DNM1: variants seen among roughly 807,000 people sequenced by gnomAD.
DNM1 encodes the protein dynamin-1.
In DNM1, 29 loss-of-function variants were observed where a neutral mutation model predicts 104.6. That is an observed-to-expected ratio of 0.28 (90% confidence interval 0.21 to 0.38). DNM1 has a LOEUF of 0.38. Ranked by LOEUF, DNM1 falls within the 10% of genes least tolerant of loss-of-function variation. DNM1 has a pLI of 1.00. For synonymous variants in DNM1, 445 were observed against 475.8 expected (o/e 0.94, Z 0.84); for missense variants, 640 against 1,189.4 (o/e 0.54, Z 6.79).
At chr9:128,241,941 A>G (rs988252572) in intron 14 of DNM1, among the ~76,000 whole-genome samples, 5 of 152,172 alleles carry the variant, frequency 3.3e-5, no homozygotes, top group South Asian at 2.1e-4. Context: ...CTCTGCTTGC[A>G]TACTTTTAGT....
At chr9:128,249,745 G>T (rs1212879588) in intron 19 of DNM1, among the ~76,000 whole-genome samples, 1 of 151,732 alleles carries the variant, frequency 6.6e-6, no homozygotes, top group East Asian at 1.9e-4. Flanking sequence ...AGATAACTTT[G>T]AGCCCAGGAG....
At position 128,250,921 on chromosome 9, in the gene DNM1, G is replaced by C; in HGVS notation, c.2515G>C (p.Ala839Pro). ...PPQVPSRPNR[A>P]PPGVPSRSGQ... Reference sequence around the variant, plus strand: ...TCAGGTGCCCTCGCGCCCCAACCGCGCCCCGCCCGGGGTCCCCAGGTGAGT... The same window carrying C: ...TCAGGTGCCCTCGCGCCCCAACCGCCCCCCGCCCGGGGTCCCCAGGTGAGT... Residue 839 changes from alanine (A) to proline (P), a missense_variant, in exon 21 of 22, where the codon GCC becomes CCC. By Grantham distance (27) the Ala-to-Pro change is conservative. This residue lies in a region of DNM1 where 129 missense variants were observed against 224.6 expected (regional missense o/e 0.57). Coordinates refer to ENST00000372923, the MANE Select transcript of DNM1 (RefSeq NM_004408.4). 7.3e-7 allele frequency: 1 copy of C among 1,368,322 alleles called. No homozygotes were observed. Among genetic ancestry groups the C allele is most frequent in the South Asian group, 1.7e-5 (1 of 58,052 alleles). 84.8% of individuals were successfully genotyped at this position (1,368,322 alleles called of 1,614,324 possible). A position where few individuals can be genotyped will look rare whatever the true frequency, so the allele number is the denominator to read the frequency against.
intron 1 of DNM1, among the ~76,000 whole-genome samples, chr9:128,211,336 C>A (rs188881144): frequency 6.6e-6 from 1 of 152,224 alleles, no homozygotes; most frequent in African/African-American, 2.4e-5. Context: ...GGCTGATTAC[C>A]CAGTCCTGCT....
At chr9:128,230,986 A>G (rs1445994268) in intron 10 of DNM1, among the ~76,000 whole-genome samples, 2 of 151,602 alleles carry the variant, frequency 1.3e-5, no homozygotes, top group African/African-American at 4.9e-5. Flanking sequence ...TATTTTTGGT[A>G]GAGATGGGAT....
chr9:128,238,981 ATCCTCTCCTC>A (rs560358434), intron 11 of DNM1, among the ~76,000 whole-genome samples: 9 of 147,182 alleles, frequency 6.1e-5, no homozygotes, highest in South Asian at 4.3e-4. Flanking sequence ...TCTTTCTTTC[ATCCTCTCCTC>A]TCCTCTCCTC....
chr9:128,242,536 G>A (rs1412987108), intron 15 of DNM1, among the ~76,000 whole-genome samples, 191 bp downstream of exon 15: 1 of 152,140 alleles, frequency 6.6e-6, no homozygotes, highest in East Asian at 1.9e-4. Context: ...GAGGCAGGTG[G>A]ATCACCTGCG....
At position 128,244,433 on chromosome 9, in the gene DNM1, C is replaced by G. The variant is rs536025418; in HGVS notation, c.1672-1961C>G. Among the ~76,000 whole-genome samples, 6 of 152,064 alleles carry G rather than the reference C, an allele frequency of 3.9e-5. No homozygotes were observed. In the East Asian group the frequency reaches 1.2e-3, roughly 29 times the overall value. ...TGGTCCAGGCTGGTGGGAGAGTGGT[C>G]TGTACTTCTCTACTCAACCACCAGC... On this transcript the variant is annotated intron_variant, in intron 15 of 21. Transcript: ENST00000372923.
intron 11 of DNM1, chr9:128,235,077 G>C (rs570658741): frequency 1.1e-4 from 17 of 152,254 alleles, no homozygotes; most frequent in African/African-American, 3.4e-4. Context: ...ACAGGTGTGA[G>C]CCACCGTGCC....
At position 128,248,648 on chromosome 9, in the gene DNM1, G is replaced by C. The variant is rs758081056; in HGVS notation, c.1971G>C (p.Arg657=). ...FMHSMDPQLE[R]QVETIRNLVD... is the part of the protein sequence containing the mutation. ...ATTCCATGGACCCACAGCTGGAACG[G>C]CAAGTGGAGACCATCCGGAATCTTG... is the stretch of plus-strand genomic sequence containing the variant. Residue 657 remains arginine, a synonymous_variant, in exon 19 of 22, where the codon CGG becomes CGC. Coordinates refer to ENST00000372923, the MANE Select transcript of DNM1 (RefSeq NM_004408.4). The surrounding 1 kb of genome is among the most constrained non-coding windows in gnomAD (Gnocchi z 5.6). The C allele has an allele frequency of 6.2e-7, 1 of 1,614,080 alleles. No homozygotes were observed. The highest frequency in any genetic ancestry group is 8.5e-7 in the Non-Finnish European group (1 of 1,179,944).
Position 128,218,293 on chromosome 9 carries a change from A to G in DNM1, c.224A>G (p.Asn75Ser), listed in dbSNP as rs551214260. The G allele has an allele frequency of 1.8e-5, 29 of 1,614,112 alleles. No individual in the cohort carries two copies. Among genetic ancestry groups the G allele is most frequent in the East Asian group, 1.8e-4 (8 of 44,854 alleles). ...CGTCCCCTGGTCTTGCAGCTGGTCA[A>G]TGCAACCACAGGTACGTGCCCTCCT... The part of the protein sequence containing the change: ...TRRPLVLQLV[N>S]ATTEYAEFLH... The change falls in exon 2 of 22, where the codon AAT becomes AGT. Residue 75 changes from asparagine to serine, a missense_variant. This residue lies in a region of DNM1 where 172 missense variants were observed against 335.3 expected (regional missense o/e 0.51). Coordinates refer to ENST00000372923, the MANE Select transcript of DNM1 (RefSeq NM_004408.4). This position sits in a 1 kb window ranked among gnomAD's most constrained non-coding sequence, Gnocchi z 4.8.
Position 128,222,864 on chromosome 9 carries a change from C to T in DNM1, c.1196+4C>T, listed in dbSNP as rs1445161696. ...TCAAGAATATCCATGGCATTAGGCA[C>T]GTATTGGGGCCTGGGAGGGTGGCTG... On this transcript the variant is annotated splice_donor_region_variant and intron_variant, in intron 9 of 21. Coordinates refer to ENST00000372923, the MANE Select transcript of DNM1 (RefSeq NM_004408.4). The surrounding 1 kb of genome is among the most constrained non-coding windows in gnomAD (Gnocchi z 7.8). 22 of 1,613,786 alleles carry T rather than the reference C, an allele frequency of 1.4e-5. No individual in the cohort carries two copies. Among genetic ancestry groups the T allele is most frequent in the South Asian group, 5.5e-5 (5 of 91,086 alleles).
At chr9:128,230,285 G>T (rs1371753961) in intron 10 of DNM1, among the ~76,000 whole-genome samples, 2 of 148,586 alleles carry the variant, frequency 1.3e-5, no homozygotes, top group African/African-American at 5.0e-5. Context: ...ACAGCATATT[G>T]TTGGGAAAAA....
intron 1 of DNM1, among the ~76,000 whole-genome samples, chr9:128,206,557 G>A (rs569502652): frequency 1.3e-5 from 2 of 152,240 alleles, no homozygotes; most frequent in South Asian, 2.1e-4. Flanking sequence ...CTCTCCCCAG[G>A]GAGGTCAGAG....
At chr9:128,235,917 A>G (rs1015651987) in intron 11 of DNM1, among the ~76,000 whole-genome samples, 3 of 152,082 alleles carry the variant, frequency 2.0e-5, no homozygotes, top group East Asian at 1.9e-4. Context: ...GGGTCTCACT[A>G]TGGTGCCCAG....
Position 128,222,645 on chromosome 9 carries a change from C to T in DNM1, c.1128+49C>T. On this transcript the variant is annotated intron_variant, in intron 8 of 21. Coordinates refer to ENST00000372923, the MANE Select transcript of DNM1 (RefSeq NM_004408.4). This position sits in a 1 kb window ranked among gnomAD's most constrained non-coding sequence, Gnocchi z 7.8. ...AGGATGGCTCAGGACTCCCCCCACCCTCACTCAGGACTCTCTCTGCGTGTG... is the reference window on the plus strand; with the variant it reads ...AGGATGGCTCAGGACTCCCCCCACCTTCACTCAGGACTCTCTCTGCGTGTG... The T allele has an allele frequency of 6.2e-7, 1 of 1,610,352 alleles. No homozygotes were observed. The highest frequency in any genetic ancestry group is 8.5e-7 in the Non-Finnish European group (1 of 1,177,404).
Position 128,240,155 on chromosome 9 carries a change from C to G in DNM1, c.1557+159C>G, listed in dbSNP as rs1316642052. 2.6e-5 allele frequency among the ~76,000 whole-genome samples: 4 copies of G among 152,168 alleles called. No homozygotes were observed. The South Asian group carries it at 8.3e-4, about 32-fold the overall frequency. On this transcript the variant is annotated intron_variant, in intron 14 of 21. Transcript: ENST00000372923. This position sits in a 1 kb window ranked among gnomAD's most constrained non-coding sequence, Gnocchi z 5.1. ...CACCTGCCCTCAGGCCAGAGGCAGG[C>G]CCAGCCGCATCCACCCGTCCATCTG...
Position 128,247,487 on chromosome 9 carries a change from G to T in DNM1, c.1893+1G>T. On this transcript the variant is annotated splice_donor_variant, in intron 17 of 21. Coordinates refer to ENST00000372923, the MANE Select transcript of DNM1 (RefSeq NM_004408.4). LOFTEE classifies it high-confidence loss of function. The surrounding 1 kb of genome is among the most constrained non-coding windows in gnomAD (Gnocchi z 5.1). ...TGGCGTGTACCCTGAGCGTGTTGGG[G>T]TGAGTGGCAGGGCAAGGAGAGGAAG... The T allele has an allele frequency of 6.2e-7, 1 of 1,605,310 alleles. No individual in the cohort carries two copies. Among genetic ancestry groups the T allele is most frequent in the Non-Finnish European group, 8.5e-7 (1 of 1,173,058 alleles).
intron 1 of DNM1, among the ~76,000 whole-genome samples, chr9:128,209,044 G>A (rs1020369264): frequency 2.0e-5 from 3 of 152,064 alleles, no homozygotes; most frequent in Non-Finnish European, 2.9e-5. Flanking sequence ...TTGGGGAGGC[G>A]GGGCTTGAGG....
chr9:128,204,223 G>GA (rs1298461677), intron 1 of DNM1: 2 of 152,530 alleles, frequency 1.3e-5, no homozygotes, highest in African/African-American at 4.8e-5. Context: ...GCAGCGCGGC[G>GA]AGGGGGGAGG....
Sources: allele counts gnomAD v4.1 joint callset (sites outside exome capture counted in the v4.1 genomes callset), GRCh38; gene constraint gnomAD v4.1.1; regional missense constraint gnomAD v4.1.1; non-coding constraint Gnocchi (gnomAD v3.1); transcripts MANE v1.5; gene names NCBI Gene and HGNC (gene_info 2026-07-23, HGNC 2026-07-21).